Variants in CNTN4 observed in about 807,000 individuals in gnomAD.
CNTN4 encodes contactin-4.
CNTN4 carries 77 observed loss-of-function variants against 122.5 expected under a neutral mutation model. That is an observed-to-expected ratio of 0.63 (90% CI 0.52 to 0.76). The LOEUF (loss-of-function observed/expected upper bound fraction) is 0.76, where lower values mean the gene tolerates loss of function less well. Among genes scored for constraint, CNTN4 ranks in the 30% least tolerant of loss-of-function variants. The pLI, the probability that CNTN4 is intolerant of heterozygous loss-of-function variation, is 0.00. For synonymous variants in CNTN4, 512 were observed against 447.0 expected (o/e 1.15, Z -1.83); for missense variants, 1,256 against 1,259.1 (o/e 1.00, Z 0.04).
intron 4 of CNTN4, among the ~76,000 whole-genome samples, chr3:2,586,210 C>G (rs1375678357): frequency 6.6e-6 from 1 of 152,170 alleles, no homozygotes. Flanking sequence ...CCTAGTCAAC[C>G]TTAGCTTCCG....
Position 2,526,235 on chromosome 3 carries a change from T to C in CNTN4, c.-88-45181T>C, listed in dbSNP as rs12636441. On this transcript the variant is annotated intron_variant, in intron 3 of 24. Transcript: ENST00000418658. ...TCATTTCTCTGTCTAGATTTATTCTTAGTAAAAACTGAGAATACTCTGTTT... is the reference window on the plus strand; with the variant it reads ...TCATTTCTCTGTCTAGATTTATTCTCAGTAAAAACTGAGAATACTCTGTTT... 2.3e-4 allele frequency among the ~76,000 whole-genome samples: 35 copies of C among 152,278 alleles called. No individual in the cohort carries two copies. The East Asian group carries it at 6.6e-3, about 29-fold the overall frequency.
At chr3:2,525,381 G>A (rs2077365075) in intron 3 of CNTN4, among the ~76,000 whole-genome samples, 1 of 152,066 alleles carries the variant, frequency 6.6e-6, no homozygotes, top group Admixed American at 6.6e-5. Context: ...AAGGTATTGT[G>A]AACATAACAA....
At chr3:2,330,483 G>T (rs566463444) in intron 2 of CNTN4, among the ~76,000 whole-genome samples, 1 of 152,274 alleles carries the variant, frequency 6.6e-6, no homozygotes, top group South Asian at 2.1e-4. Context: ...TCACTTTGGA[G>T]ATTCCAGGGA....
At chr3:2,643,018 A>C (rs2082961377) in intron 4 of CNTN4, among the ~76,000 whole-genome samples, 1 of 152,214 alleles carries the variant, frequency 6.6e-6, no homozygotes, top group East Asian at 1.9e-4. Flanking sequence ...ATATTGAAAT[A>C]ATCTTTTTAA....
At chr3:2,492,374 T>C (rs554161186) in intron 3 of CNTN4, among the ~76,000 whole-genome samples, 278 of 152,294 alleles carry the variant, frequency 1.8e-3, no homozygotes, top group Non-Finnish European at 3.3e-3. Flanking sequence ...AGGCTTATCA[T>C]GGATCTGGGG....
intron 2 of CNTN4, among the ~76,000 whole-genome samples, chr3:2,164,412 T>C (rs1323716923): frequency 6.6e-6 from 1 of 152,054 alleles, no homozygotes; most frequent in Admixed American, 6.6e-5. Flanking sequence ...ATCTCATAAC[T>C]AATAATAGGA....
chr3:2,951,123 T>G (rs193059368), intron 13 of CNTN4, among the ~76,000 whole-genome samples: 2 of 152,322 alleles, frequency 1.3e-5, no homozygotes, highest in East Asian at 3.9e-4. Flanking sequence ...TGTCTTTTGT[T>G]GTTATCATTG....
intron 6 of CNTN4, among the ~76,000 whole-genome samples, chr3:2,815,673 G>A (rs1379182460): frequency 6.6e-6 from 1 of 152,008 alleles, no homozygotes; most frequent in Non-Finnish European, 1.5e-5. Context: ...AAAACAGTGT[G>A]GATATTCCTT....
chr3:2,231,788 A>G (rs2039497431), intron 2 of CNTN4, among the ~76,000 whole-genome samples: 1 of 152,206 alleles, frequency 6.6e-6, no homozygotes, highest in Admixed American at 6.5e-5. Flanking sequence ...AAAAAGCCAG[A>G]AAATATTTGA....
chr3:2,288,434 C>G (rs1314865109), intron 2 of CNTN4, among the ~76,000 whole-genome samples: 1 of 152,228 alleles, frequency 6.6e-6, no homozygotes, highest in Non-Finnish European at 1.5e-5. Context: ...AGAACTCACT[C>G]ACTACCATGA....
chr3:2,805,926 G>A (rs1469211802), intron 6 of CNTN4, among the ~76,000 whole-genome samples: 1 of 152,076 alleles, frequency 6.6e-6, no homozygotes, highest in Admixed American at 6.6e-5. Context: ...TTCTGAGACA[G>A]AGTCTCGCTC....
At chr3:2,873,101 G>A (rs1462542718) in intron 8 of CNTN4, among the ~76,000 whole-genome samples, 1 of 152,158 alleles carries the variant, frequency 6.6e-6, no homozygotes, top group Non-Finnish European at 1.5e-5. Context: ...AAAGTCAAGA[G>A]GGCAAGTAAA....
chr3:2,974,357 A>G (rs1693217435), intron 13 of CNTN4, among the ~76,000 whole-genome samples: 1 of 152,240 alleles, frequency 6.6e-6, no homozygotes, highest in Non-Finnish European at 1.5e-5. Flanking sequence ...ACTGAAAATA[A>G]TAACAGAAAT....
At chr3:2,883,073 C>A in intron 8 of CNTN4, 72 bp from the exon 9 acceptor site, 1 of 1,065,046 alleles carries the variant, frequency 9.4e-7, no homozygotes, top group Non-Finnish European at 1.4e-6. Flanking sequence ...TCTGCATTAA[C>A]AGAAAAATGA....
At chr3:2,599,207 C>G (rs1339501193) in intron 4 of CNTN4, among the ~76,000 whole-genome samples, 2 of 152,144 alleles carry the variant, frequency 1.3e-5, no homozygotes, top group East Asian at 3.9e-4. Context: ...TCCTGGGCCA[C>G]TCCTTGGCAA....
At chr3:2,936,434 A>T (rs1444576496) in intron 13 of CNTN4, among the ~76,000 whole-genome samples, 1 of 152,176 alleles carries the variant, frequency 6.6e-6, no homozygotes. Flanking sequence ...TTCCCATAGG[A>T]TTTTAATGCA....
intron 7 of CNTN4, among the ~76,000 whole-genome samples, chr3:2,854,268 C>CTTTTTTTTTTTTTTTTTTTTTTTTT (rs56147510): frequency 2.2e-5 from 2 of 90,050 alleles, no homozygotes; most frequent in Non-Finnish European, 2.0e-5. Flanking sequence ...CTTTCTTCTT[C>CTTTTTTTTTTTTTTTTTTTTTTTTT]TTTTTTTTTT....
chr3:2,588,398 G>T (rs1294082880), intron 4 of CNTN4, among the ~76,000 whole-genome samples: 1 of 152,014 alleles, frequency 6.6e-6, no homozygotes, highest in South Asian at 2.1e-4. Context: ...ACAGAGCCTC[G>T]CACTATTGTC....
At chr3:2,936,697 C>G (rs969639100) in intron 13 of CNTN4, among the ~76,000 whole-genome samples, 1 of 152,188 alleles carries the variant, frequency 6.6e-6, no homozygotes, top group Non-Finnish European at 1.5e-5. Flanking sequence ...ATGCTCTTAT[C>G]CAGGCCTTGA....
Sources: gnomAD v4.1 joint callset for allele counts (sites outside exome capture counted in the v4.1 genomes callset) on GRCh38, gnomAD v4.1.1 for gene constraint, MANE v1.5 for transcripts, NCBI Gene and HGNC (gene_info 2026-07-23, HGNC 2026-07-21) for gene names.